Variants in DPP10 observed in about 807,000 individuals in gnomAD.
The protein encoded by DPP10 is dipeptidyl peptidase like 10.
A neutral mutation model predicts 120.9 loss-of-function variants in DPP10; 33 were observed. The observed-to-expected ratio is 0.27, with a 90% CI of 0.21 to 0.37. The LOEUF (loss-of-function observed/expected upper bound fraction) is 0.37. DPP10 is among the 10% of genes least tolerant of loss of function. DPP10 has a pLI of 1.00. For missense variants in DPP10, 816 were observed against 942.8 expected (o/e 0.87, Z 1.76); for synonymous variants, 337 against 326.1 (o/e 1.03, Z -0.36).
At chr2:115,290,648 C>G (rs1028538600) in intron 1 of DPP10, among the ~76,000 whole-genome samples, 1 of 152,114 alleles carries the variant, frequency 6.6e-6, no homozygotes, top group Admixed American at 6.5e-5. Flanking sequence ...AGATGATTGT[C>G]TTAATCCCAA....
intron 1 of DPP10, among the ~76,000 whole-genome samples, chr2:115,115,710 A>T (rs2104706262): frequency 6.6e-6 from 1 of 152,338 alleles, no homozygotes; most frequent in Non-Finnish European, 1.5e-5. Context: ...AAGTTAGATG[A>T]AATATTCCTG....
chr2:114,908,228 A>G (rs1050822468), intron 1 of DPP10, among the ~76,000 whole-genome samples: 16 of 152,016 alleles, frequency 1.1e-4, no homozygotes, highest in Non-Finnish European at 2.4e-4. Context: ...TCCAAAGTGT[A>G]TAATTGTTTT....
chr2:115,489,953 A>T (rs900499081), intron 3 of DPP10, among the ~76,000 whole-genome samples: 2 of 152,084 alleles, frequency 1.3e-5, no homozygotes, highest in Admixed American at 1.3e-4. Flanking sequence ...ACCCCCTTTA[A>T]TCTTGATTCA....
intron 1 of DPP10, among the ~76,000 whole-genome samples, chr2:115,007,025 A>C (rs184248143): frequency 2.0e-5 from 3 of 152,136 alleles, no homozygotes; most frequent in African/African-American, 7.2e-5. Flanking sequence ...TATCTCTCAG[A>C]CCACAGTGCA....
intron 1 of DPP10, among the ~76,000 whole-genome samples, chr2:114,844,879 C>T (rs928664392): frequency 4.6e-5 from 7 of 152,060 alleles, no homozygotes; most frequent in Non-Finnish European, 5.9e-5. Flanking sequence ...GGATAATGTT[C>T]ACTAAGTTAC....
chr2:115,814,980 G>A lies in DPP10; in HGVS notation c.1888G>A (p.Ala630Thr). 1 of 1,596,654 alleles carries A rather than the reference G, an allele frequency of 6.3e-7. No individual in the cohort carries two copies. Among genetic ancestry groups the A allele is most frequent in the Non-Finnish European group, 8.6e-7 (1 of 1,166,620 alleles). The part of the protein sequence containing the change: ...GSVEVKDQIT[A>T]VKFLLKLPYI... ...AGTAGAAGTAAAGGACCAAATAACAGCTGTGAAGTAAGTGGATGCACATTT... is the reference window on the plus strand; with the variant it reads ...AGTAGAAGTAAAGGACCAAATAACAACTGTGAAGTAAGTGGATGCACATTT... Residue 630 changes from alanine to threonine, a missense_variant, in exon 20 of 26, where the codon GCT becomes ACT. Physicochemically the swap from Ala to Thr is moderately conservative, Grantham distance 58. Transcript: ENST00000410059.
intron 1 of DPP10, among the ~76,000 whole-genome samples, chr2:115,212,322 G>A (rs4848384): frequency 0.31 from 46,964 of 152,070 alleles, 7,975 homozygotes; most frequent in East Asian, 0.56. Context: ...CTGCTTTATG[G>A]AAAGAATCAA....
At chr2:114,752,249 G>A (rs896794199) in intron 1 of DPP10, among the ~76,000 whole-genome samples, 2 of 152,080 alleles carry the variant, frequency 1.3e-5, no homozygotes, top group African/African-American at 4.8e-5. Flanking sequence ...CTACTCTCTT[G>A]GCAGTTTTTT....
At chr2:115,292,823 G>C (rs1357861252) in intron 1 of DPP10, among the ~76,000 whole-genome samples, 2 of 152,064 alleles carry the variant, frequency 1.3e-5, no homozygotes, top group Non-Finnish European at 2.9e-5. Flanking sequence ...GGCATATTAG[G>C]ATGTGTTACT....
intron 1 of DPP10, among the ~76,000 whole-genome samples, chr2:114,602,273 G>C (rs923004373): frequency 6.6e-6 from 1 of 151,774 alleles, no homozygotes; most frequent in African/African-American, 2.4e-5. Flanking sequence ...GAAGTTAGAG[G>C]TAGAGAGGGC....
At chr2:115,235,642 A>C (rs1574108307) in intron 1 of DPP10, among the ~76,000 whole-genome samples, 1 of 151,798 alleles carries the variant, frequency 6.6e-6, no homozygotes, top group Non-Finnish European at 1.5e-5. Flanking sequence ...GCTCACTGCA[A>C]CCTCCACCTC....
At chr2:115,396,542 T>C (rs1025240557) in intron 3 of DPP10, among the ~76,000 whole-genome samples, 1 of 152,230 alleles carries the variant, frequency 6.6e-6, no homozygotes, top group Non-Finnish European at 1.5e-5. Flanking sequence ...TGGAGTAATA[T>C]ACAAAATGTC....
intron 1 of DPP10, among the ~76,000 whole-genome samples, chr2:114,958,845 AC>A (rs1298299871): frequency 6.6e-6 from 1 of 152,154 alleles, no homozygotes; most frequent in African/African-American, 2.4e-5. Flanking sequence ...TTTCTGTTTT[AC>A]AAATTTGTGT....
intron 1 of DPP10, among the ~76,000 whole-genome samples, chr2:114,753,908 C>CAA (rs777798352): frequency 0.016 from 530 of 33,366 alleles, 18 homozygotes; most frequent in Non-Finnish European, 0.021. Context: ...GACTCCTTCT[C>CAA]AAAAAAAAAA....
chr2:115,600,086 A>G (rs1232723244), intron 5 of DPP10, among the ~76,000 whole-genome samples: 2 of 151,706 alleles, frequency 1.3e-5, no homozygotes, highest in African/African-American at 2.4e-5. Context: ...TGTTTTTTTG[A>G]TGAGAAGTCA....
At chr2:114,850,193 T>G (rs1007516958) in intron 1 of DPP10, among the ~76,000 whole-genome samples, 1 of 151,990 alleles carries the variant, frequency 6.6e-6, no homozygotes, top group Non-Finnish European at 1.5e-5. Flanking sequence ...ACTAGTTTTT[T>G]TGTGTGTGTT....
At chr2:114,893,274 C>A (rs1227189723) in intron 1 of DPP10, among the ~76,000 whole-genome samples, 1 of 152,140 alleles carries the variant, frequency 6.6e-6, no homozygotes, top group Non-Finnish European at 1.5e-5. Flanking sequence ...TATTGCGTAT[C>A]TATTATGAGT....
intron 1 of DPP10, among the ~76,000 whole-genome samples, chr2:114,999,825 A>C (rs552555109): frequency 6.6e-6 from 1 of 152,160 alleles, no homozygotes; most frequent in Non-Finnish European, 1.5e-5. Context: ...TCTCCTATCA[A>C]CTTGATGTGG....
intron 1 of DPP10, among the ~76,000 whole-genome samples, chr2:115,088,766 A>AC (rs1708975537): frequency 1.3e-5 from 2 of 150,726 alleles, no homozygotes; most frequent in African/African-American, 2.4e-5. Flanking sequence ...AAAAAAAAAA[A>AC]AAACCAAAAA....
Sources: allele counts gnomAD v4.1 joint callset (sites outside exome capture counted in the v4.1 genomes callset), GRCh38; gene constraint gnomAD v4.1.1; transcripts MANE v1.5; gene names NCBI Gene and HGNC (gene_info 2026-07-23, HGNC 2026-07-21).